Variants in SCUBE1 observed in about 807,000 individuals in gnomAD.
The protein encoded by SCUBE1 is signal peptide, CUB and EGF-like domain-containing protein 1.
SCUBE1 carries 59 observed loss-of-function variants against 124.4 expected under a neutral mutation model. The ratio of observed to expected loss-of-function variants is 0.47; its 90% confidence interval spans 0.38 to 0.59. SCUBE1 has a LOEUF of 0.59. Ranked by LOEUF, SCUBE1 falls within the 20% of genes least tolerant of loss-of-function variation. SCUBE1 has a pLI of 0.00. For missense variants in SCUBE1, 1,150 were observed against 1,371.2 expected, an observed-to-expected ratio of 0.84 and a Z score of 2.55; for synonymous variants, 545 against 550.9, an observed-to-expected ratio of 0.99 and a Z score of 0.15.
chr22:43,318,840 C>T (rs1435572748), intron 3 of SCUBE1, among the ~76,000 whole-genome samples: 1 of 152,150 alleles, frequency 6.6e-6, no homozygotes, highest in African/African-American at 2.4e-5. Context: ...AGTGACCCTC[C>T]TACCTCAGCC....
At chr22:43,317,547 TA>T (rs1926394602) in intron 3 of SCUBE1, among the ~76,000 whole-genome samples, 1 of 152,176 alleles carries the variant, frequency 6.6e-6, no homozygotes, top group African/African-American at 2.4e-5. Context: ...AGACAATCAA[TA>T]ATGTATCTAC....
rs1920958711 is a variant in SCUBE1 at position 43,198,558 on chromosome 22, A to G, written c.*5439T>C. 2.2e-6 allele frequency: 1 copy of G among 456,576 alleles called. No individual in the cohort carries two copies. Among genetic ancestry groups the G allele is most frequent in the Admixed American group, 2.3e-5 (1 of 42,562 alleles). 28.3% of individuals were successfully genotyped at this position (456,576 alleles called of 1,614,324 possible). On this transcript the variant is annotated 3_prime_UTR_variant, in exon 22 of 22. Transcript: ENST00000360835. ...GAGGCGCTCTCTGCTCTCTCTCCACATCCTCACTCCACCCCTCATTACATC... is the reference window on the plus strand; with the variant it reads ...GAGGCGCTCTCTGCTCTCTCTCCACGTCCTCACTCCACCCCTCATTACATC...
chr22:43,309,577 C>A (rs1417522541), intron 3 of SCUBE1, among the ~76,000 whole-genome samples: 1 of 152,044 alleles, frequency 6.6e-6, no homozygotes, highest in Non-Finnish European at 1.5e-5. Flanking sequence ...CATGTAGAAA[C>A]CCTCACATTT....
At chr22:43,296,115 G>T (rs1925548504) in intron 3 of SCUBE1, among the ~76,000 whole-genome samples, 2 of 152,248 alleles carry the variant, frequency 1.3e-5, no homozygotes, top group Non-Finnish European at 2.9e-5. Flanking sequence ...GCCAGGCCGT[G>T]GGCATGTAGA....
At position 43,246,141 on chromosome 22, in the gene SCUBE1, G is replaced by T. The variant is rs955864631; in HGVS notation, c.728-7187C>A. 5.3e-5 allele frequency among the ~76,000 whole-genome samples: 8 copies of T among 152,276 alleles called. No individual in the cohort carries two copies. In the South Asian group the frequency reaches 1.7e-3, roughly 32 times the overall value. Reference sequence around the variant, plus strand: ...CGAGTGCCCCTTGGAGGACAGGGAGGTTTCATATTAAAGCAGGTGGCAGGA... The same window carrying T: ...CGAGTGCCCCTTGGAGGACAGGGAGTTTTCATATTAAAGCAGGTGGCAGGA... On this transcript the variant is annotated intron_variant, in intron 6 of 21. Coordinates refer to ENST00000360835, the MANE Select transcript of SCUBE1 (RefSeq NM_173050.5).
At chr22:43,212,395 G>T in intron 17 of SCUBE1, 30 bp downstream of exon 17, 1 of 1,546,488 alleles carries the variant, frequency 6.5e-7, no homozygotes, top group Non-Finnish European at 8.7e-7. Flanking sequence ...CTCTCGGGGT[G>T]GGCGGGCGTG....
chr22:43,251,248 C>T (rs1923435647), intron 6 of SCUBE1, among the ~76,000 whole-genome samples: 1 of 152,228 alleles, frequency 6.6e-6, no homozygotes, highest in Non-Finnish European at 1.5e-5. Flanking sequence ...GTGCATCCCA[C>T]ATCTTCAGGA....
chr22:43,201,717 G>A lies in SCUBE1; in HGVS notation c.*2280C>T, dbSNP rs1921017243. On this transcript the variant is annotated 3_prime_UTR_variant, in exon 22 of 22. Coordinates refer to ENST00000360835, the MANE Select transcript of SCUBE1 (RefSeq NM_173050.5). ...CTCCCAATCGCAGACAGCCGATCGTGGGACTTGTTGGCCTCCAGAATCTGT... is the reference window on the plus strand; with the variant it reads ...CTCCCAATCGCAGACAGCCGATCGTAGGACTTGTTGGCCTCCAGAATCTGT... 1 of 152,134 alleles carries A rather than the reference G, an allele frequency of 6.6e-6. No individual in the cohort carries two copies. 9.4% of individuals were successfully genotyped at this position (152,134 alleles called of 1,614,324 possible). A position where few individuals can be genotyped will look rare whatever the true frequency, so the allele number is the denominator to read the frequency against.
intron 16 of SCUBE1, among the ~76,000 whole-genome samples, chr22:43,213,876 G>A (rs1476235451): frequency 6.6e-6 from 1 of 152,178 alleles, no homozygotes; most frequent in Non-Finnish European, 1.5e-5. Flanking sequence ...AGTGCAGGCC[G>A]GGACTGCTGA....
intron 6 of SCUBE1, among the ~76,000 whole-genome samples, chr22:43,243,750 G>A (rs1355093123): frequency 6.6e-6 from 1 of 152,326 alleles, no homozygotes; most frequent in East Asian, 1.9e-4. Context: ...GCTTCTGGAT[G>A]TGTAGCATGG....
At chr22:43,320,230 C>G (rs544746775) in intron 2 of SCUBE1, among the ~76,000 whole-genome samples, 165 bp from the exon 3 acceptor site, 67 of 152,300 alleles carry the variant, frequency 4.4e-4, no homozygotes, top group African/African-American at 1.6e-3. Context: ...AAATGCTAAT[C>G]ATGTGTGGGG....
chr22:43,335,618 A>G (rs1927037268), intron 2 of SCUBE1, among the ~76,000 whole-genome samples: 1 of 152,206 alleles, frequency 6.6e-6, no homozygotes, highest in Admixed American at 6.6e-5. Context: ...CTGGAGACCA[A>G]GGACTATGTT....
chr22:43,315,767 A>G, intron 3 of SCUBE1, among the ~76,000 whole-genome samples: 1 of 151,662 alleles, frequency 6.6e-6, no homozygotes, highest in African/African-American at 2.4e-5. Flanking sequence ...GAGGGGGGGA[A>G]CCTTACCCAG....
rs768354493 is a variant in SCUBE1, at chr22:43,204,291, A to G, written c.2815-142T>C. On this transcript the variant is annotated intron_variant, in intron 21 of 21. Coordinates refer to ENST00000360835, the MANE Select transcript of SCUBE1 (RefSeq NM_173050.5). ...CAGACCTTCTTTTGGTTTTAATAGT[A>G]TAACTGGTTTTTATTTGTTTATTTT... The G allele has an allele frequency of 1.4e-4, 92 of 661,516 alleles. 1 individual carries two copies. The Middle Eastern group carries it at 2.4e-3, about 18-fold the overall frequency. The allele number at this position is 661,516 out of a possible 1,614,324, so 41.0% of individuals were successfully genotyped here.
chr22:43,207,863 T>A (rs1054289798), intron 20 of SCUBE1, among the ~76,000 whole-genome samples: 1 of 152,208 alleles, frequency 6.6e-6, no homozygotes, highest in Non-Finnish European at 1.5e-5. Flanking sequence ...AGCTGAAGCC[T>A]GCAGAGGCCA....
At position 43,227,402 on chromosome 22, in the gene SCUBE1, C is replaced by A. The variant is rs751312563; in HGVS notation, c.1179G>T (p.Arg393=). 3.7e-6 allele frequency: 6 copies of A among 1,611,780 alleles called. No individual in the cohort carries two copies. The East Asian group carries it at 1.1e-4, about 30-fold the overall frequency. Reference sequence around the variant, plus strand: ...CGCAATCCTTCCCGTTCCAGTGGAGCCGCCTCCCCGGGGGACAGACGCACT... The same window carrying A: ...CGCAATCCTTCCCGTTCCAGTGGAGACGCCTCCCCGGGGGACAGACGCACT... The part of the protein sequence containing the change: ...SYECVCPPGR[R]LHWNGKDCVE... Residue 393 remains arginine, a synonymous_variant, in exon 10 of 22, where the codon CGG becomes CGT. Transcript: ENST00000360835.
intron 6 of SCUBE1, among the ~76,000 whole-genome samples, chr22:43,245,795 C>T (rs750867192): frequency 6.6e-6 from 1 of 152,240 alleles, no homozygotes; most frequent in Non-Finnish European, 1.5e-5. Context: ...ACCTGAGAAC[C>T]GTGCTGCTTG....
chr22:43,321,696 T>C (rs1346856671), intron 2 of SCUBE1, among the ~76,000 whole-genome samples: 1 of 152,236 alleles, frequency 6.6e-6, no homozygotes, highest in Non-Finnish European at 1.5e-5. Flanking sequence ...AATCTGCCTA[T>C]AGGGGCACCT....
At chr22:43,265,958 AG>A (rs200483128) in intron 4 of SCUBE1, among the ~76,000 whole-genome samples, 3,104 of 152,114 alleles carry the variant, frequency 0.02, 74 homozygotes, top group East Asian at 0.13. Context: ...AACATTAGCC[AG>A]GTGTAGTGGT....
Sources: gnomAD v4.1 joint callset for allele counts (sites outside exome capture counted in the v4.1 genomes callset) on GRCh38, gnomAD v4.1.1 for gene constraint, MANE v1.5 for transcripts, NCBI Gene and HGNC (gene_info 2026-07-23, HGNC 2026-07-21) for gene names.